The following RABEP1 variants were observed in gnomAD, a reference collection of about 807,000 sequenced individuals.
RABEP1 encodes rabaptin, RAB GTPase binding effector protein 1, also known as rab GTPase-binding effector protein 1.
In RABEP1, 51 loss-of-function variants were observed where a neutral mutation model predicts 123.4. The observed-to-expected ratio is 0.41, with a 90% CI of 0.33 to 0.52. The LOEUF (loss-of-function observed/expected upper bound fraction) is 0.52. Among genes scored for constraint, RABEP1 ranks in the 20% least tolerant of loss-of-function variants. The probability of loss-of-function intolerance (pLI) is 0.16; values close to 1 mark genes in which losing one functional copy is unlikely to be tolerated. For missense variants in RABEP1, 888 were observed against 996.3 expected (o/e 0.89, Z 1.46); for synonymous variants, 347 against 355.2 (o/e 0.98, Z 0.26).
At chr17:5,338,533 A>C (rs1373747399) in intron 5 of RABEP1, among the ~76,000 whole-genome samples, 1 of 152,178 alleles carries the variant, frequency 6.6e-6, no homozygotes, top group Non-Finnish European at 1.5e-5. Flanking sequence ...GTGCCTTTGC[A>C]CTCCGGCCTG....
chr17:5,368,647 T>A (rs1910285617), intron 12 of RABEP1, among the ~76,000 whole-genome samples, 179 bp downstream of exon 12: 1 of 152,250 alleles, frequency 6.6e-6, no homozygotes, highest in Admixed American at 6.5e-5. Flanking sequence ...ATTCCTTTTT[T>A]AAACCTACTT....
chr17:5,361,965 T>G, intron 9 of RABEP1: 1 of 316,126 alleles, frequency 3.2e-6, no homozygotes, highest in South Asian at 6.1e-5. Context: ...ATTGCGGAAT[T>G]TAAGTTAGAG....
At chr17:5,296,147 GTTA>G (rs1375119414) in intron 1 of RABEP1, among the ~76,000 whole-genome samples, 1 of 152,156 alleles carries the variant, frequency 6.6e-6, no homozygotes, top group Non-Finnish European at 1.5e-5. Context: ...GTGATGGATT[GTTA>G]TTGTAGTATG....
rs1465941339 is a variant in RABEP1, at chr17:5,386,247, C to T, written c.*3024C>T. On this transcript the variant is annotated 3_prime_UTR_variant, in exon 18 of 18. Coordinates refer to ENST00000537505, the MANE Select transcript of RABEP1 (RefSeq NM_004703.6). The stretch of plus-strand genomic sequence containing the variant: ...TTGCGGATATCATTGATTTGCTTCA[C>T]CATTTCCCTTATATGTTCACCCCTG... 8.7e-6 allele frequency: 14 copies of T among 1,612,906 alleles called. No individual in the cohort carries two copies. The highest frequency in any genetic ancestry group is 2.7e-5 in the African/African-American group (2 of 74,878).
intron 1 of RABEP1, among the ~76,000 whole-genome samples, chr17:5,292,075 C>A (rs2075038910): frequency 6.6e-6 from 1 of 152,190 alleles, no homozygotes; most frequent in Admixed American, 6.5e-5. Flanking sequence ...TGAAGTATGA[C>A]ATTTTGGTAT....
chr17:5,379,535 A>G lies in RABEP1; in HGVS notation c.2272-829A>G, dbSNP rs1349483356. On this transcript the variant is annotated intron_variant, in intron 15 of 17. Transcript: ENST00000537505. ...GATCATCATCACTGCCTGACTTCCC[A>G]GGCATCCCTCCACCTGCTGCAGTCT... Among the ~76,000 whole-genome samples the G allele has an allele frequency of 5.9e-5, 9 of 152,090 alleles. No individual in the cohort carries two copies. The East Asian group carries it at 1.3e-3, about 23-fold the overall frequency.
At chr17:5,328,291 G>A (rs1906168302) in intron 2 of RABEP1, among the ~76,000 whole-genome samples, 1 of 152,096 alleles carries the variant, frequency 6.6e-6, no homozygotes, top group Non-Finnish European at 1.5e-5. Context: ...TAGGTAATAG[G>A]TGCCCATTAT....
chr17:5,346,661 A>G (rs955505952), intron 5 of RABEP1, 129 bp from the exon 6 acceptor site: 1 of 469,442 alleles, frequency 2.1e-6, no homozygotes, highest in Non-Finnish European at 3.4e-6. Flanking sequence ...AAAATTATAA[A>G]TGTTAATTTA....
intron 15 of RABEP1, 63 bp from the exon 16 acceptor site, chr17:5,380,301 T>C (rs899880721): frequency 3.6e-6 from 4 of 1,125,288 alleles, no homozygotes; most frequent in Middle Eastern, 2.1e-4. Flanking sequence ...CTAGGCTCTT[T>C]TAGGTAGTGC....
rs117243268 is a variant in RABEP1 at position 5,327,425 on chromosome 17, T to C, written c.164-4524T>C. Among the ~76,000 whole-genome samples the C allele has an allele frequency of 6.9e-3, 1,049 of 152,152 alleles. 10 individuals carry two copies. Among genetic ancestry groups the C allele is most frequent in the Middle Eastern group, 0.034 (10 of 294 alleles). ...TAAACATAGACAAGATGTTTGGCAG[T>C]ATGATGTTACCATGGCTAGATGTCA... On this transcript the variant is annotated intron_variant, in intron 2 of 17. Coordinates refer to ENST00000537505, the MANE Select transcript of RABEP1 (RefSeq NM_004703.6).
At chr17:5,305,185 G>A (rs1453083890) in intron 1 of RABEP1, among the ~76,000 whole-genome samples, 1 of 151,712 alleles carries the variant, frequency 6.6e-6, no homozygotes, top group African/African-American at 2.4e-5. Flanking sequence ...CGATGTTGTA[G>A]TAAAGGCATT....
intron 12 of RABEP1, chr17:5,371,098 C>G (rs1910495545): frequency 6.6e-6 from 1 of 152,214 alleles, no homozygotes; most frequent in Non-Finnish European, 1.5e-5. Context: ...TCTGGAGTAG[C>G]TGGGACTACA....
In RABEP1 at chr17:5,320,920, T is replaced by C. The variant is rs115537790; in HGVS notation, c.164-11029T>C. 2.1e-3 allele frequency among the ~76,000 whole-genome samples: 313 copies of C among 152,290 alleles called. 1 individual carries two copies. Among genetic ancestry groups the C allele is most frequent in the African/African-American group, 7.0e-3 (291 of 41,550 alleles). On this transcript the variant is annotated intron_variant, in intron 2 of 17. Coordinates refer to ENST00000537505, the MANE Select transcript of RABEP1 (RefSeq NM_004703.6). ...GTAGTAAGTCCTTTCTTATAGATAA[T>C]AACAACACTGAATGTATATGGACTC...
chr17:5,359,234 T>C (rs12603344), intron 8 of RABEP1, among the ~76,000 whole-genome samples: 93,757 of 151,844 alleles, frequency 0.62, 30,582 homozygotes, highest in East Asian at 0.97. Flanking sequence ...CCACCACGCC[T>C]GGCTAATTTT....
rs183159105 is a variant in RABEP1, at chr17:5,325,226, C to G, written c.164-6723C>G. Among the ~76,000 whole-genome samples, 35 of 152,086 alleles carry G rather than the reference C, an allele frequency of 2.3e-4. 1 individual carries two copies. In the East Asian group the frequency reaches 6.6e-3, roughly 29 times the overall value. ...TGGTGCCTGCGTGTAATCCCAGCTA[C>G]TTGGGAAGCTGAGGCAGGAGAATCG... is the stretch of plus-strand genomic sequence containing the variant. On this transcript the variant is annotated intron_variant, in intron 2 of 17. Transcript: ENST00000537505.
chr17:5,367,333 A>AC (rs1420742144), intron 11 of RABEP1, among the ~76,000 whole-genome samples: 1 of 151,458 alleles, frequency 6.6e-6, no homozygotes, highest in Non-Finnish European at 1.5e-5. Flanking sequence ...GTGCAGTGGC[A>AC]CGATCTTGGC....
chr17:5,368,979 G>A (rs1293136578), intron 12 of RABEP1, among the ~76,000 whole-genome samples: 4 of 152,120 alleles, frequency 2.6e-5, no homozygotes, highest in Non-Finnish European at 5.9e-5. Context: ...GTGGTGGTGT[G>A]CACCTGCAAA....
In RABEP1 at chr17:5,384,474, G is replaced by A. The variant is rs530882330; in HGVS notation, c.*1251G>A. 2.3e-5 allele frequency: 5 copies of A among 216,190 alleles called. No homozygotes were observed. The South Asian group carries it at 9.3e-4, about 40-fold the overall frequency. The allele number at this position is 216,190 out of a possible 1,614,324, so 13.4% of individuals were successfully genotyped here. On this transcript the variant is annotated 3_prime_UTR_variant, in exon 18 of 18. Transcript: ENST00000537505. ...TTTCAAATCATTTTTGAGACTGGTT[G>A]CATAACAGCAGGGTACCTGAAAGAG...
intron 2 of RABEP1, 63 bp from the exon 3 acceptor site, chr17:5,331,886 T>G: frequency 6.9e-7 from 1 of 1,439,518 alleles, no homozygotes; most frequent in South Asian, 1.2e-5. Context: ...CCTTATTTCT[T>G]TATTGGAATG....
Sources: allele counts gnomAD v4.1 joint callset (sites outside exome capture counted in the v4.1 genomes callset), GRCh38; gene constraint gnomAD v4.1.1; transcripts MANE v1.5; gene names NCBI Gene and HGNC (gene_info 2026-07-23, HGNC 2026-07-21).